The following COL4A5 variants were observed in gnomAD, a reference collection of about 807,000 sequenced individuals.
COL4A5 encodes collagen type IV alpha 5 chain.
In COL4A5, 26 loss-of-function variants were observed where a neutral mutation model predicts 130.2. The ratio of observed to expected loss-of-function variants is 0.20; its 90% CI spans 0.15 to 0.28. The LOEUF is 0.28. Ranked by LOEUF, COL4A5 falls within the 10% of genes least tolerant of loss-of-function variation. The pLI, the probability that COL4A5 is intolerant of heterozygous loss-of-function variation, is 1.00. For synonymous variants in COL4A5, 496 were observed against 439.6 expected, an observed-to-expected ratio of 1.13 and a Z score of -1.60; for missense variants, 1,131 against 1,344.3, an observed-to-expected ratio of 0.84 and a Z score of 2.48.
At position 108,625,711 on chromosome X, in the gene COL4A5, A is replaced by G. The variant is rs142929745; in HGVS notation, c.3023A>G (p.Lys1008Arg). The change falls in exon 35 of 53, where the codon AAA becomes AGA. Residue 1008 changes from lysine (K) to arginine (R), a missense_variant. By Grantham distance (26) the Lys-to-Arg change is conservative (BLOSUM62 2). Transcript: ENST00000328300. The stretch of plus-strand genomic sequence containing the variant: ...ACCAATTTGACCTTTCTAGGTCCCA[A>G]AGGTAACCCTGGTCTCCCTGGACAG... ...QPGLPGPPGP[K>R]GNPGLPGQPG... 5.2e-5 allele frequency: 62 copies of G among 1,196,537 alleles called. No homozygotes were observed. In the African/African-American group the frequency reaches 9.1e-4, roughly 18 times the overall value.
At chrX:108,611,931 A>T (rs958997655) in intron 29 of COL4A5, among the ~76,000 whole-genome samples, 1 of 111,663 alleles carries the variant, frequency 9.0e-6, no homozygotes, top group African/African-American at 3.2e-5. Context: ...ATCTAGCAAT[A>T]TATGAAAAGG....
chrX:108,687,096 G>GCC (rs1569508280), intron 48 of COL4A5, among the ~76,000 whole-genome samples: 2 of 112,365 alleles, frequency 1.8e-5, no homozygotes, highest in African/African-American at 6.5e-5. Flanking sequence ...TCTTTAGAAT[G>GCC]CCCTGCCTGT....
chrX:108,615,709 G>A (rs28440104), intron 30 of COL4A5, among the ~76,000 whole-genome samples: 11,827 of 110,913 alleles, frequency 0.11, 1,352 homozygotes, highest in African/African-American at 0.34. Flanking sequence ...GTGAATTCTC[G>A]TTATGTTAAT....
intron 19 of COL4A5, 150 bp from the exon 20 acceptor site, chrX:108,590,908 T>G (rs1049491962): frequency 1.8e-5 from 9 of 508,813 alleles, no homozygotes; most frequent in Admixed American, 1.2e-4. Context: ...CTTTTCAACC[T>G]TTTTTTCAGA....
chrX:108,669,952 T>G (rs1321210516), intron 41 of COL4A5: 2 of 323,217 alleles, frequency 6.2e-6, no homozygotes, highest in Admixed American at 1.1e-4. Flanking sequence ...TAGTCTGAGC[T>G]CATAGTAATG....
chrX:108,473,424 G>A (rs1411235208), intron 1 of COL4A5, among the ~76,000 whole-genome samples: 2 of 107,005 alleles, frequency 1.9e-5, no homozygotes, highest in East Asian at 5.8e-4. Context: ...ACCTTCCAGT[G>A]GGACAAGATG....
At chrX:108,687,780 A>G in intron 49 of COL4A5, 86 bp downstream of exon 49, 1 of 853,113 alleles carries the variant, frequency 1.2e-6, no homozygotes, top group Non-Finnish European at 1.7e-6. Flanking sequence ...CCTTGGCCAA[A>G]GTGCCTCTCT....
intron 36 of COL4A5, among the ~76,000 whole-genome samples, chrX:108,653,501 A>T (rs370291048): frequency 4.5e-5 from 5 of 111,472 alleles, no homozygotes; most frequent in Middle Eastern, 4.6e-3. Flanking sequence ...ACAACATGAC[A>T]TTTTATCATG....
chrX:108,637,164 C>T (rs1051365019), intron 36 of COL4A5, among the ~76,000 whole-genome samples: 14 of 109,283 alleles, frequency 1.3e-4, no homozygotes, highest in African/African-American at 4.7e-4. Flanking sequence ...GAACTCCTGA[C>T]CTCAAGCAAT....
At chrX:108,650,841 T>G (rs1013314683) in intron 36 of COL4A5, among the ~76,000 whole-genome samples, 4 of 109,539 alleles carry the variant, frequency 3.7e-5, no homozygotes, top group African/African-American at 1.3e-4. Flanking sequence ...ACTGCTTGGG[T>G]GATGGGTGCA....
At chrX:108,562,924 C>T (rs1255086865) in intron 3 of COL4A5, among the ~76,000 whole-genome samples, 1 of 111,327 alleles carries the variant, frequency 9.0e-6, no homozygotes, top group African/African-American at 3.3e-5. Context: ...CCTGAGTTAC[C>T]CACACACACT....
chrX:108,686,082 A>G lies in COL4A5; in HGVS notation c.4268A>G (p.Asp1423Gly), dbSNP rs1329506128. The G allele has an allele frequency of 8.3e-7, 1 of 1,211,116 alleles. No individual in the cohort carries two copies. Among genetic ancestry groups the G allele is most frequent in the Admixed American group, 2.2e-5 (1 of 45,971 alleles). Residue 1423 changes from aspartate (D) to glycine (G), a missense_variant, in exon 48 of 53, where the codon GAT becomes GGT. By Grantham distance (94) the Asp-to-Gly change is moderately conservative (BLOSUM62 -1). Transcript: ENST00000328300. ...DPGRNGLPGF[D>G]GAGGRKGDPG... The stretch of plus-strand genomic sequence containing the variant: ...GGACGCAATGGACTCCCTGGCTTTG[A>G]TGGTGCAGGAGGGCGCAAAGGAGAC...
chrX:108,521,103 A>G (rs146469311), intron 1 of COL4A5, among the ~76,000 whole-genome samples: 125 of 112,148 alleles, frequency 1.1e-3, no homozygotes, highest in African/African-American at 3.6e-3. Context: ...ACCTAAGGAA[A>G]CATAAACATG....
intron 1 of COL4A5, among the ~76,000 whole-genome samples, chrX:108,534,154 AAGAG>A (rs1339875510): frequency 2.4e-3 from 263 of 109,339 alleles, no homozygotes; most frequent in African/African-American, 3.3e-3. Flanking sequence ...GAGAAAGAGA[AAGAG>A]AGAGAGAGAA....
At chrX:108,659,165 T>A (rs969402842) in intron 37 of COL4A5, among the ~76,000 whole-genome samples, 1 of 111,671 alleles carries the variant, frequency 9.0e-6, no homozygotes, top group African/African-American at 3.2e-5. Context: ...CATAGATTAT[T>A]TAGAATTGTG....
chrX:108,559,968 T>A (rs1003329002), intron 3 of COL4A5, among the ~76,000 whole-genome samples: 1 of 111,197 alleles, frequency 9.0e-6, no homozygotes, highest in Admixed American at 9.6e-5. Flanking sequence ...ACCCGAACAG[T>A]CATAGGTGTT....
rs777246896 is a variant in COL4A5, at chrX:108,685,984, G to C, written c.4217-47G>C. On this transcript the variant is annotated intron_variant, in intron 47 of 52. Coordinates refer to ENST00000328300, the MANE Select transcript of COL4A5 (RefSeq NM_033380.3). ...TTATGTCTCCTAGATCTGTCCAGAT[G>C]TGAAAATATTCTACTCATATTTGAA... 2.9e-6 allele frequency: 3 copies of C among 1,032,743 alleles called. No homozygotes were observed. In the East Asian group the frequency reaches 9.1e-5, roughly 31 times the overall value. The allele number at this position is 1,032,743 out of a possible 1,213,427, so 85.1% of individuals were successfully genotyped here. A position where few individuals can be genotyped will look rare whatever the true frequency, so the allele number is the denominator to read the frequency against.
chrX:108,668,701 G>A (rs986721111), intron 41 of COL4A5, among the ~76,000 whole-genome samples, 197 bp downstream of exon 41: 2 of 112,019 alleles, frequency 1.8e-5, no homozygotes, highest in Admixed American at 9.5e-5. Context: ...TATTTCCATG[G>A]TTCTAATAAT....
At chrX:108,546,482 T>C (rs906702607) in intron 2 of COL4A5, among the ~76,000 whole-genome samples, 5 of 112,378 alleles carry the variant, frequency 4.4e-5, no homozygotes, top group African/African-American at 1.6e-4. Context: ...AGATCCACTG[T>C]TAGTCTGATG....
Sources: allele counts gnomAD v4.1 joint callset (sites outside exome capture counted in the v4.1 genomes callset), GRCh38; gene constraint gnomAD v4.1.1; transcripts MANE v1.5; gene names NCBI Gene and HGNC (gene_info 2026-07-23, HGNC 2026-07-21).